COL15A1: variants seen among roughly 807,000 people sequenced by gnomAD.
The protein encoded by COL15A1 is collagen alpha-1(XV) chain.
A neutral mutation model predicts 165.9 loss-of-function variants in COL15A1; 111 were observed. The observed-to-expected ratio is 0.67, with a 90% CI of 0.57 to 0.78. The LOEUF is 0.78. Ranked by LOEUF, COL15A1 falls within the 30% of genes least tolerant of loss-of-function variation. The pLI, the probability that COL15A1 is intolerant of heterozygous loss-of-function variation, is 0.00. For synonymous variants in COL15A1, 659 were observed against 674.8 expected (o/e 0.98, Z 0.36); for missense variants, 1,745 against 1,789.7 (o/e 0.98, Z 0.45).
At chr9:99,003,891 G>T (rs997575568) in intron 8 of COL15A1, among the ~76,000 whole-genome samples, 2 of 152,186 alleles carry the variant, frequency 1.3e-5, no homozygotes, top group Non-Finnish European at 2.9e-5. Flanking sequence ...AGGATGCCCT[G>T]GGAGCACTGA....
At chr9:99,032,822 C>A (rs1260240537) in intron 16 of COL15A1, among the ~76,000 whole-genome samples, 1 of 152,194 alleles carries the variant, frequency 6.6e-6, no homozygotes, top group African/African-American at 2.4e-5. Context: ...AGTCCTTCTG[C>A]AGAGTTCTGC....
At chr9:98,998,625 C>T (rs1020970543) in intron 6 of COL15A1, among the ~76,000 whole-genome samples, 1 of 152,112 alleles carries the variant, frequency 6.6e-6, no homozygotes, top group Non-Finnish European at 1.5e-5. Flanking sequence ...AATCTGGCCG[C>T]AGTTGTGGAA....
At chr9:99,040,869 C>G (rs544216137) in intron 23 of COL15A1, 3 of 354,044 alleles carry the variant, frequency 8.5e-6, no homozygotes, top group Admixed American at 3.9e-5. Flanking sequence ...TATGATAACA[C>G]TAAAAATAGT....
intron 2 of COL15A1, among the ~76,000 whole-genome samples, chr9:98,977,979 G>A (rs1588499097): frequency 6.6e-6 from 1 of 152,252 alleles, no homozygotes; most frequent in East Asian, 1.9e-4. Flanking sequence ...CTCTCCAGCT[G>A]ACCAACCATT....
chr9:98,988,027 G>A (rs1368256591), intron 4 of COL15A1, among the ~76,000 whole-genome samples: 1 of 152,224 alleles, frequency 6.6e-6, no homozygotes, highest in East Asian at 1.9e-4. Flanking sequence ...GCCAGTTAGG[G>A]AGCAGGTGAT....
At chr9:99,041,800 G>A (rs552910475) in intron 23 of COL15A1, among the ~76,000 whole-genome samples, 3 of 152,150 alleles carry the variant, frequency 2.0e-5, no homozygotes, top group Non-Finnish European at 4.4e-5. Flanking sequence ...TGCCCAGTTG[G>A]AGGAAACCAA....
intron 11 of COL15A1, among the ~76,000 whole-genome samples, chr9:99,017,325 G>A (rs1287975607): frequency 6.6e-6 from 1 of 152,196 alleles, no homozygotes; most frequent in African/African-American, 2.4e-5. Context: ...ATTTGAACCT[G>A]CATGCTGGCC....
chr9:99,023,473 C>T, intron 14 of COL15A1, 24 bp downstream of exon 14: 1 of 1,071,466 alleles, frequency 9.3e-7, no homozygotes, highest in East Asian at 2.4e-5. Flanking sequence ...AGGACACGAC[C>T]TGGTGTCTGG....
intron 2 of COL15A1, among the ~76,000 whole-genome samples, chr9:98,968,021 C>T (rs1046597251): frequency 6.6e-6 from 1 of 152,186 alleles, no homozygotes; most frequent in African/African-American, 2.4e-5. Flanking sequence ...CTTTGAGAAC[C>T]ACTGGCGTCA....
At chr9:98,993,772 C>A (rs1422257380) in intron 5 of COL15A1, among the ~76,000 whole-genome samples, 1 of 152,148 alleles carries the variant, frequency 6.6e-6, no homozygotes, top group African/African-American at 2.4e-5. Context: ...CCGGCAGCCA[C>A]CCTCTAGGAC....
chr9:98,976,136 A>G (rs567088856), intron 2 of COL15A1, among the ~76,000 whole-genome samples: 1 of 152,272 alleles, frequency 6.6e-6, no homozygotes. Context: ...GCTTAGCTCC[A>G]TGTCTCCAGC....
chr9:99,042,161 T>C, intron 24 of COL15A1, 54 bp downstream of exon 24: 1 of 1,301,324 alleles, frequency 7.7e-7, no homozygotes, highest in Non-Finnish European at 1.1e-6. Context: ...TTGCTAAACG[T>C]TTCAGATTGG....
In COL15A1 at chr9:99,036,180, G is replaced by A. The variant is rs200410708; in HGVS notation, c.2300G>A (p.Gly767Glu). The change falls in exon 20 of 42, where the codon GGA becomes GAA. Residue 767 changes from glycine (G) to glutamate (E), a missense_variant. Transcript: ENST00000375001. ...SRPTAAIGLK[G>E]EKGDRGPKGE... ...TGTTTATTTTTCCAGGGTCTCAAAG[G>A]AGAGAAAGGAGACCGGGGACCCAAG... 4.3e-6 allele frequency: 7 copies of A among 1,611,854 alleles called. No homozygotes were observed. Among genetic ancestry groups the A allele is most frequent in the Admixed American group, 3.3e-5 (2 of 59,996 alleles).
At position 99,059,911 on chromosome 9, in the gene COL15A1, T is replaced by G; in HGVS notation, c.3360T>G (p.Pro1120=). 1 of 1,613,958 alleles carries G rather than the reference T, an allele frequency of 6.2e-7. No homozygotes were observed. Among genetic ancestry groups the G allele is most frequent in the Non-Finnish European group, 8.5e-7 (1 of 1,179,916 alleles). ...TAGCTGTGGCCCTTCCAGGTCCCCC[T>G]GGCCCTCCAGGACAGCCAGGGCTTC... The part of the protein sequence containing the change: ...LGAAVALPGP[P]GPPGQPGLPG... The change falls in exon 36 of 42, where the codon CCT becomes CCG. Residue 1120 remains proline, a synonymous_variant. Transcript: ENST00000375001.
intron 26 of COL15A1, among the ~76,000 whole-genome samples, 179 bp from the exon 27 acceptor site, chr9:99,047,607 G>C (rs1399523949): frequency 2.6e-5 from 4 of 152,214 alleles, no homozygotes; most frequent in Non-Finnish European, 4.4e-5. Flanking sequence ...TTCTAGCTGA[G>C]AGCGGAGAGG....
At chr9:98,991,516 T>C (rs1478213629) in intron 5 of COL15A1, among the ~76,000 whole-genome samples, 1 of 152,152 alleles carries the variant, frequency 6.6e-6, no homozygotes, top group Non-Finnish European at 1.5e-5. Context: ...TTACAAACCT[T>C]GAGCTAGATA....
chr9:99,003,999 A>AG (rs1348856016), intron 8 of COL15A1, among the ~76,000 whole-genome samples: 1 of 152,118 alleles, frequency 6.6e-6, no homozygotes, highest in East Asian at 1.9e-4. Flanking sequence ...CGCCTAGCAG[A>AG]GGGGGTGGAA....
chr9:98,964,733 TG>T, intron 2 of COL15A1, among the ~76,000 whole-genome samples: 1 of 151,802 alleles, frequency 6.6e-6, no homozygotes, highest in East Asian at 1.9e-4. Context: ...GATCTTACAG[TG>T]GGGGGAATAC....
chr9:99,000,914 C>T lies in COL15A1; in HGVS notation c.1028C>T (p.Ser343Leu). The T allele has an allele frequency of 6.3e-7, 1 of 1,599,468 alleles. No individual in the cohort carries two copies. Among genetic ancestry groups the T allele is most frequent in the African/African-American group, 1.3e-5 (1 of 74,722 alleles). The change falls in exon 7 of 42, where the codon TCA (serine) becomes TTA (leucine). Residue 343 changes from serine to leucine, a missense_variant. Physicochemically the swap from Ser to Leu is moderately radical, Grantham distance 145. Transcript: ENST00000375001. ...VDGDPITDSG[S>L]GAGAFLDIAE... The stretch of plus-strand genomic sequence containing the variant: ...GGTGACCCCATTACTGACAGCGGCT[C>T]AGGGGCTGGGGCCTTCCTTGACATT...
Sources: gnomAD v4.1 joint callset for allele counts (sites outside exome capture counted in the v4.1 genomes callset) on GRCh38, gnomAD v4.1.1 for gene constraint, MANE v1.5 for transcripts, NCBI Gene and HGNC (gene_info 2026-07-23, HGNC 2026-07-21) for gene names.